WASHC4: variants seen among roughly 807,000 people sequenced by gnomAD.
WASHC4 encodes the protein WASH complex subunit 7.
In WASHC4, 86 loss-of-function variants were observed where a neutral mutation model predicts 166.6. The observed-to-expected ratio is 0.52, with a 90% CI of 0.43 to 0.62. The LOEUF is 0.62. WASHC4 is among the 20% of genes least tolerant of loss of function. WASHC4 has a pLI of 0.00. For synonymous variants in WASHC4, 446 were observed against 451.6 expected, an observed-to-expected ratio of 0.99 and a Z score of 0.16; for missense variants, 1,262 against 1,382.4, an observed-to-expected ratio of 0.91 and a Z score of 1.38.
rs965133945 is a variant in WASHC4, at chr12:105,157,308, A to G, written c.2898A>G (p.Thr966=). 3 of 1,544,096 alleles carry G rather than the reference A, an allele frequency of 1.9e-6. No individual in the cohort carries two copies. The highest frequency in any genetic ancestry group is 1.8e-6 in the Non-Finnish European group (2 of 1,121,522). The change falls in exon 28 of 33, where the codon ACA becomes ACG. Residue 966 remains threonine, a synonymous_variant. Transcript: ENST00000332180. ...LVKEEGLAEE[T]LKAARHLDSV... is the part of the protein sequence containing the mutation. ...AAGAAGAAGGTCTTGCAGAAGAAAC[A>G]TTAAAAGCAGCAAGGTAATCTAAAT...
In WASHC4 at chr12:105,147,195, G is replaced by A. The variant is rs77055886; in HGVS notation, c.2514+49G>A. ...GAGTGGGTAATAGACCCGTTTAATAGCTTGGAACGTGGTTTTCTCATAGAA... is the reference window on the plus strand; with the variant it reads ...GAGTGGGTAATAGACCCGTTTAATAACTTGGAACGTGGTTTTCTCATAGAA... On this transcript the variant is annotated intron_variant, in intron 24 of 32. Coordinates refer to ENST00000332180, the MANE Select transcript of WASHC4 (RefSeq NM_015275.3). The A allele has an allele frequency of 1.4e-3, 1,486 of 1,042,976 alleles. 24 individuals are homozygous for A. The African/African-American group carries it at 0.021, about 14-fold the overall frequency. The allele number at this position is 1,042,976 out of a possible 1,614,324, so 64.6% of individuals were successfully genotyped here.
chr12:105,137,628 A>T (rs1158847350), intron 14 of WASHC4, among the ~76,000 whole-genome samples: 1 of 152,220 alleles, frequency 6.6e-6, no homozygotes, highest in African/African-American at 2.4e-5. Flanking sequence ...AGCTGTAATT[A>T]TACACTATTA....
At chr12:105,149,319 G>A (rs1321714622) in intron 24 of WASHC4, 1 of 985,304 alleles carries the variant, frequency 1.0e-6, no homozygotes, top group African/African-American at 1.7e-5. Context: ...TCTTGAGTCT[G>A]GTTTTGTGAT....
intron 29 of WASHC4, among the ~76,000 whole-genome samples, chr12:105,160,781 G>A (rs1475543867): frequency 6.6e-6 from 1 of 152,066 alleles, no homozygotes; most frequent in Non-Finnish European, 1.5e-5. Context: ...GCTTAATGTA[G>A]AATAACTTTA....
At position 105,149,082 on chromosome 12, in the gene WASHC4, A is replaced by C. The variant is rs191325777; in HGVS notation, c.2515-533A>C. 2.8e-4 allele frequency: 278 copies of C among 984,986 alleles called. No homozygotes were observed. In the Middle Eastern group the frequency reaches 3.7e-3, roughly 13 times the overall value. 61.0% of individuals were successfully genotyped at this position (984,986 alleles called of 1,614,324 possible). On this transcript the variant is annotated intron_variant, in intron 24 of 32. Transcript: ENST00000332180. The stretch of plus-strand genomic sequence containing the variant: ...CTGTTCTAGAATATAAACTTCGTGA[A>C]GACAAGGACCATGTCTAGCATGGGA...
intron 2 of WASHC4, among the ~76,000 whole-genome samples, chr12:105,112,121 C>G (rs965593608): frequency 6.6e-6 from 1 of 152,166 alleles, no homozygotes; most frequent in African/African-American, 2.4e-5. Flanking sequence ...TGTTTGTCTC[C>G]TCTGTACACT....
At chr12:105,146,635 A>G in intron 23 of WASHC4, 109 bp downstream of exon 23, 1 of 701,106 alleles carries the variant, frequency 1.4e-6, no homozygotes, top group South Asian at 1.6e-5. Flanking sequence ...AACAAAAAAT[A>G]ATTGTTTTCG....
rs766221966 is a variant in WASHC4, at chr12:105,140,346, C to T, written c.1505C>T (p.Ser502Leu). The T allele has an allele frequency of 1.2e-6, 2 of 1,613,926 alleles. No homozygotes were observed. Among genetic ancestry groups the T allele is most frequent in the South Asian group, 2.2e-5 (2 of 91,076 alleles). Reference sequence around the variant, plus strand: ...AGCATGGTTGTGGCTGATTCAGTTTCACATATAACACAGCACCTTCAACAT... The same window carrying T: ...AGCATGGTTGTGGCTGATTCAGTTTTACATATAACACAGCACCTTCAACAT... ...RRSMVVADSV[S>L]HITQHLQHQA... The change falls in exon 16 of 33, where the codon TCA becomes TTA. Residue 502 changes from serine to leucine, a missense_variant. Ser to Leu is a moderately radical substitution (Grantham distance 145). Transcript: ENST00000332180.
At chr12:105,149,548 T>TTTGAATTG (rs576837388) in intron 24 of WASHC4, 67 bp from the exon 25 acceptor site, 13,751 of 1,145,552 alleles carry the variant, frequency 0.012, 264 homozygotes, top group Non-Finnish European at 0.014. Context: ...CAGTAAAATT[T>TTTGAATTG]ATTTGAATTG....
chr12:105,120,762 TTGA>T (rs1880661866), intron 8 of WASHC4, among the ~76,000 whole-genome samples, 165 bp downstream of exon 8: 1 of 152,086 alleles, frequency 6.6e-6, no homozygotes, highest in East Asian at 1.9e-4. Context: ...ATCTGTGAAG[TTGA>T]TGAGTCATTA....
chr12:105,162,643 TC>T (rs5800654), intron 29 of WASHC4, 105 bp from the exon 30 acceptor site: 1 of 676,506 alleles, frequency 1.5e-6, no homozygotes, highest in Non-Finnish European at 2.7e-6. Context: ...TCTATTCTAT[TC>T]TATTTATAGT....
At chr12:105,123,938 C>T (rs996465416) in intron 10 of WASHC4, among the ~76,000 whole-genome samples, 4 of 152,138 alleles carry the variant, frequency 2.6e-5, no homozygotes, top group African/African-American at 4.8e-5. Context: ...AGTGGAACAA[C>T]AAAGCCTGAT....
chr12:105,115,579 A>G, intron 5 of WASHC4, 82 bp from the exon 6 acceptor site: 1 of 1,038,068 alleles, frequency 9.6e-7, no homozygotes, highest in South Asian at 1.3e-5. Context: ...TAATGAAAAA[A>G]AAAAACTTTT....
At chr12:105,140,773 T>G in intron 16 of WASHC4, 126 bp from the exon 17 acceptor site, 1 of 952,348 alleles carries the variant, frequency 1.1e-6, no homozygotes, top group Non-Finnish European at 1.6e-6. Flanking sequence ...GTCAGAAGCT[T>G]AAATGGGGAA....
In WASHC4 at chr12:105,142,978, T is replaced by C. The variant is rs576229280; in HGVS notation, c.1894-149T>C. On this transcript the variant is annotated intron_variant, in intron 19 of 32. Coordinates refer to ENST00000332180, the MANE Select transcript of WASHC4 (RefSeq NM_015275.3). ...TAGTTAAAGTATATGCTTTAGGTTC[T>C]TTTTCTTTAGGAAAGTTAAGACAGT... 7.8e-5 allele frequency: 49 copies of C among 629,014 alleles called. No individual in the cohort carries two copies. The South Asian group carries it at 8.8e-4, about 11-fold the overall frequency. 39.0% of individuals were successfully genotyped at this position (629,014 alleles called of 1,614,324 possible). A position where few individuals can be genotyped will look rare whatever the true frequency, so the allele number is the denominator to read the frequency against.
intron 1 of WASHC4, 83 bp downstream of exon 1, chr12:105,107,944 A>C: frequency 9.6e-7 from 1 of 1,041,752 alleles, no homozygotes; most frequent in Non-Finnish European, 1.5e-6. Flanking sequence ...CTCCTGCGAG[A>C]GGGACGGCTG....
At chr12:105,149,820 T>A in intron 25 of WASHC4, 71 bp downstream of exon 25, 3 of 1,424,038 alleles carry the variant, frequency 2.1e-6, no homozygotes, top group Non-Finnish European at 2.9e-6. Context: ...ATGCTAAAAT[T>A]CATTATTTAG....
At chr12:105,114,103 A>C (rs957816696) in intron 2 of WASHC4, 113 bp from the exon 3 acceptor site, 11 of 839,906 alleles carry the variant, frequency 1.3e-5, no homozygotes, top group Non-Finnish European at 1.7e-5. Context: ...GCTAATGTTG[A>C]GTACAGGATC....
chr12:105,133,033 T>G (rs1882001664), intron 13 of WASHC4, among the ~76,000 whole-genome samples: 1 of 152,172 alleles, frequency 6.6e-6, no homozygotes, highest in Non-Finnish European at 1.5e-5. Flanking sequence ...CATCAGATCC[T>G]CTTGAAACTA....
Sources: allele counts gnomAD v4.1 joint callset (sites outside exome capture counted in the v4.1 genomes callset), GRCh38; gene constraint gnomAD v4.1.1; transcripts MANE v1.5; gene names NCBI Gene and HGNC (gene_info 2026-07-23, HGNC 2026-07-21).